Variants in KCNC2 observed in about 807,000 individuals in gnomAD.
KCNC2 encodes the protein potassium voltage-gated channel subfamily C member 2, also known as voltage-gated potassium channel KCNC2.
Under a neutral mutation model 44.5 loss-of-function variants are expected in KCNC2, and 21 were observed. The ratio of observed to expected loss-of-function variants is 0.47; its 90% confidence interval spans 0.33 to 0.68. KCNC2 has a LOEUF of 0.68. Ranked by LOEUF, KCNC2 falls within the 30% of genes least tolerant of loss-of-function variation. KCNC2 has a pLI of 0.01. For missense variants in KCNC2, 589 were observed against 826.2 expected (o/e 0.71, Z 3.52); for synonymous variants, 391 against 339.1 (o/e 1.15, Z -1.68).
chr12:75,043,004 A>G lies in KCNC2; in HGVS notation c.*101T>C. 1 of 1,538,122 alleles carries G rather than the reference A, an allele frequency of 6.5e-7. No homozygotes were observed. The highest frequency in any genetic ancestry group is 8.7e-7 in the Non-Finnish European group (1 of 1,144,682). ...ATCATGCAAGATTTATACTGTATTA[A>G]TGGAGCCTGGAGTAACTCTACATTT... is the stretch of plus-strand genomic sequence containing the variant. On this transcript the variant is annotated 3_prime_UTR_variant, in exon 5 of 5. Transcript: ENST00000549446.
At chr12:75,107,937 A>T (rs370606206) in intron 2 of KCNC2, among the ~76,000 whole-genome samples, 1 of 152,234 alleles carries the variant, frequency 6.6e-6, no homozygotes, top group South Asian at 2.1e-4. Context: ...TATTCACATT[A>T]TAAAAGACTT....
chr12:75,086,681 A>AAATATATAT (rs1206456289), intron 2 of KCNC2, among the ~76,000 whole-genome samples: 2 of 54,210 alleles, frequency 3.7e-5, no homozygotes, highest in Non-Finnish European at 7.0e-5. Flanking sequence ...AAAAAAAAAA[A>AAATATATAT]ATATATATAT....
intron 2 of KCNC2, among the ~76,000 whole-genome samples, chr12:75,132,017 T>A (rs1399120622): frequency 6.6e-6 from 1 of 152,200 alleles, no homozygotes; most frequent in Non-Finnish European, 1.5e-5. Context: ...AAGCCTTGTC[T>A]CTAAAATCAG....
intron 2 of KCNC2, among the ~76,000 whole-genome samples, chr12:75,121,918 G>A (rs1274948675): frequency 7.0e-6 from 1 of 143,294 alleles, no homozygotes; most frequent in Non-Finnish European, 1.5e-5. Context: ...CAAGAATGCA[G>A]AACTCTTGGT....
At chr12:75,189,970 G>T (rs897099627) in intron 2 of KCNC2, among the ~76,000 whole-genome samples, 5 of 151,996 alleles carry the variant, frequency 3.3e-5, no homozygotes, top group African/African-American at 1.2e-4. Context: ...AAATACCACC[G>T]GTTATTAGAC....
At chr12:75,057,987 C>A (rs2136974657) in intron 2 of KCNC2, among the ~76,000 whole-genome samples, 1 of 151,948 alleles carries the variant, frequency 6.6e-6, no homozygotes, top group East Asian at 1.9e-4. Context: ...CCTATCCATT[C>A]ACACAAAAAT....
intron 2 of KCNC2, among the ~76,000 whole-genome samples, chr12:75,186,796 T>C (rs1400422485): frequency 6.6e-6 from 1 of 152,184 alleles, no homozygotes; most frequent in Non-Finnish European, 1.5e-5. Flanking sequence ...CATTAGGATG[T>C]CAAGTAATCA....
chr12:75,050,290 C>T (rs1166300658), intron 3 of KCNC2, 100 bp downstream of exon 3: 10 of 901,646 alleles, frequency 1.1e-5, no homozygotes, highest in Non-Finnish European at 1.7e-5. Context: ...GGGCTGAAAA[C>T]TCATGAACAT....
intron 2 of KCNC2, among the ~76,000 whole-genome samples, chr12:75,136,445 A>G (rs1191139374): frequency 6.6e-6 from 1 of 152,148 alleles, no homozygotes; most frequent in Non-Finnish European, 1.5e-5. Flanking sequence ...GGACTAACCA[A>G]GAAAAAAGAT....
intron 2 of KCNC2, among the ~76,000 whole-genome samples, chr12:75,106,449 G>A (rs1387289302): frequency 6.6e-6 from 1 of 152,180 alleles, no homozygotes; most frequent in African/African-American, 2.4e-5. Context: ...ATCCCCAAGA[G>A]GGAATGAATA....
At chr12:75,159,179 T>C (rs1890959131) in intron 2 of KCNC2, among the ~76,000 whole-genome samples, 1 of 151,604 alleles carries the variant, frequency 6.6e-6, no homozygotes, top group Non-Finnish European at 1.5e-5. Flanking sequence ...GATGACGGGC[T>C]GATGGGGGCA....
At chr12:75,126,423 T>A (rs1370525414) in intron 2 of KCNC2, among the ~76,000 whole-genome samples, 1 of 152,168 alleles carries the variant, frequency 6.6e-6, no homozygotes, top group African/African-American at 2.4e-5. Flanking sequence ...GTGCTAAGAA[T>A]ACAACTTGAA....
intron 2 of KCNC2, among the ~76,000 whole-genome samples, chr12:75,183,024 G>A (rs1342953844): frequency 1.3e-5 from 2 of 152,182 alleles, no homozygotes; most frequent in Non-Finnish European, 2.9e-5. Context: ...TGGCCATCCG[G>A]CCCTTCTGTC....
intron 2 of KCNC2, among the ~76,000 whole-genome samples, chr12:75,167,275 C>A (rs1891519948): frequency 6.6e-6 from 1 of 151,056 alleles, no homozygotes; most frequent in African/African-American, 2.4e-5. Flanking sequence ...ATTTTGTCAT[C>A]TTGGTTTCTA....
chr12:75,176,891 C>T (rs1175119938), intron 2 of KCNC2, among the ~76,000 whole-genome samples: 1 of 151,770 alleles, frequency 6.6e-6, no homozygotes, highest in Non-Finnish European at 1.5e-5. Flanking sequence ...TTATCATCAA[C>T]ATTTCAATAG....
At chr12:75,048,680 A>C (rs1880825499) in intron 3 of KCNC2, among the ~76,000 whole-genome samples, 1 of 152,160 alleles carries the variant, frequency 6.6e-6, no homozygotes, top group Admixed American at 6.6e-5. Flanking sequence ...AGGAATATTT[A>C]AAAATGGAAC....
chr12:75,148,499 T>G (rs1890173668), intron 2 of KCNC2, among the ~76,000 whole-genome samples: 1 of 152,116 alleles, frequency 6.6e-6, no homozygotes, highest in Non-Finnish European at 1.5e-5. Flanking sequence ...CTTCAGCTTA[T>G]GTCTTCCTAT....
chr12:75,201,558 T>C (rs753534881), intron 2 of KCNC2, among the ~76,000 whole-genome samples: 1 of 151,906 alleles, frequency 6.6e-6, no homozygotes, highest in Non-Finnish European at 1.5e-5. Flanking sequence ...CAACTAGTGT[T>C]GAAATCAAGA....
In KCNC2 at chr12:75,202,856, GT is replaced by G. The variant is rs201774937; in HGVS notation, c.687+4440del. Reference sequence around the variant, plus strand: ...CTAGAATTTTATTTGCCATAATCTTGTTTTTTTTTAATTTAATAGATAATGC... The same window carrying G: ...CTAGAATTTTATTTGCCATAATCTTGTTTTTTTTAATTTAATAGATAATGC... On this transcript the variant is annotated intron_variant, in intron 2 of 4. Coordinates refer to ENST00000549446, the MANE Select transcript of KCNC2 (RefSeq NM_139137.4). Among the ~76,000 whole-genome samples, 37 of 144,822 alleles carry G rather than the reference GT, an allele frequency of 2.6e-4. 1 individual carries two copies. The highest frequency in any genetic ancestry group is 2.2e-3 in the South Asian group (10 of 4,538).
Sources: allele counts gnomAD v4.1 joint callset (sites outside exome capture counted in the v4.1 genomes callset), GRCh38; gene constraint gnomAD v4.1.1; transcripts MANE v1.5; gene names NCBI Gene and HGNC (gene_info 2026-07-23, HGNC 2026-07-21).